Variants in ANKRD44 observed in about 807,000 individuals in gnomAD.
ANKRD44 encodes the protein ankyrin repeat domain 44, also known as serine/threonine-protein phosphatase 6 regulatory ankyrin repeat subunit B.
ANKRD44 carries 35 observed loss-of-function variants against 116.0 expected under a neutral mutation model. That is an observed-to-expected ratio of 0.30 (90% confidence interval 0.23 to 0.40). The LOEUF is 0.40. ANKRD44 is among the 10% of genes least tolerant of loss of function. The pLI is 1.00. For synonymous variants in ANKRD44, 435 were observed against 461.8 expected, an observed-to-expected ratio of 0.94 and a Z score of 0.74; for missense variants, 1,014 against 1,242.6, an observed-to-expected ratio of 0.82 and a Z score of 2.77.
intron 17 of ANKRD44, chr2:197,015,188 G>T: frequency 3.4e-6 from 1 of 290,478 alleles, no homozygotes; most frequent in South Asian, 3.6e-5. Flanking sequence ...TAGCATTGAT[G>T]AGCATGTAGA....
chr2:197,065,857 G>C (rs187498046), intron 16 of ANKRD44, among the ~76,000 whole-genome samples: 29 of 152,104 alleles, frequency 1.9e-4, no homozygotes, highest in Non-Finnish European at 4.0e-4. Flanking sequence ...TTCTACCAGA[G>C]GTACAAGGAG....
chr2:197,278,388 GCT>G (rs964564406), intron 1 of ANKRD44, among the ~76,000 whole-genome samples: 3 of 151,874 alleles, frequency 2.0e-5, no homozygotes, highest in African/African-American at 7.3e-5. Flanking sequence ...ACAGAGTCTT[GCT>G]CTGTCGCCCA....
intron 1 of ANKRD44, among the ~76,000 whole-genome samples, chr2:197,247,066 T>C (rs930202069): frequency 1.3e-4 from 20 of 152,156 alleles, no homozygotes; most frequent in African/African-American, 4.8e-4. Flanking sequence ...ATGCTGTCCA[T>C]GTGGTTAATA....
At chr2:197,078,510 T>C (rs2077722518) in intron 16 of ANKRD44, 193 bp downstream of exon 16, 1 of 1,409,440 alleles carries the variant, frequency 7.1e-7, no homozygotes, top group Admixed American at 2.3e-5. Context: ...GGTGGGGCTC[T>C]AACCTGCAAT....
chr2:197,029,660 T>C (rs1198967844), intron 16 of ANKRD44: 1 of 314,184 alleles, frequency 3.2e-6, no homozygotes, highest in Non-Finnish European at 6.1e-6. Context: ...TTATCCTCAT[T>C]ACAGGCAATG....
intron 1 of ANKRD44, among the ~76,000 whole-genome samples, chr2:197,259,308 G>C (rs1389053033): frequency 6.6e-6 from 1 of 152,074 alleles, no homozygotes. Context: ...ATACATCTGT[G>C]TCCCCCTCCC....
intron 1 of ANKRD44, among the ~76,000 whole-genome samples, chr2:197,195,575 C>A (rs146745909): frequency 6.6e-6 from 1 of 152,072 alleles, no homozygotes; most frequent in Non-Finnish European, 1.5e-5. Context: ...CAATTTTGGC[C>A]CAGCATCTTG....
chr2:196,985,034 T>C (rs1467322160), downstream of ANKRD44, among the ~76,000 whole-genome samples: 1 of 152,234 alleles, frequency 6.6e-6, no homozygotes, highest in Non-Finnish European at 1.5e-5. Flanking sequence ...TTGCTCTTTG[T>C]CTCCCTGGCT....
intron 13 of ANKRD44, among the ~76,000 whole-genome samples, chr2:197,084,454 A>G (rs1381258068): frequency 6.6e-6 from 1 of 152,088 alleles, no homozygotes; most frequent in Non-Finnish European, 1.5e-5. Context: ...GCACTGGTGT[A>G]TTGTCTCATC....
At chr2:197,097,586 T>C (rs1185742106) in intron 10 of ANKRD44, among the ~76,000 whole-genome samples, 1 of 152,198 alleles carries the variant, frequency 6.6e-6, no homozygotes, top group Non-Finnish European at 1.5e-5. Context: ...CCACTGCTAA[T>C]ACTATTTGTC....
chr2:197,276,001 C>A (rs181589570), intron 1 of ANKRD44, among the ~76,000 whole-genome samples: 1 of 152,018 alleles, frequency 6.6e-6, no homozygotes, highest in Non-Finnish European at 1.5e-5. Flanking sequence ...ACTAGCCGGG[C>A]GCAGTGGCTC....
At chr2:197,218,906 C>A (rs889244037) in intron 1 of ANKRD44, among the ~76,000 whole-genome samples, 1 of 150,166 alleles carries the variant, frequency 6.7e-6, no homozygotes, top group Admixed American at 6.6e-5. Flanking sequence ...ATTACAGGCA[C>A]CCACCACCAC....
At chr2:197,138,904 C>A (rs1275652968) in intron 3 of ANKRD44, among the ~76,000 whole-genome samples, 1 of 152,064 alleles carries the variant, frequency 6.6e-6, no homozygotes, top group Non-Finnish European at 1.5e-5. Context: ...CAAGTAGAAA[C>A]CCAAATGTCA....
chr2:197,229,061 G>A (rs552380046), intron 1 of ANKRD44, among the ~76,000 whole-genome samples: 1 of 152,314 alleles, frequency 6.6e-6, no homozygotes, highest in Admixed American at 6.5e-5. Context: ...GCTGTTACCT[G>A]AAATGTGGAG....
chr2:197,145,628 A>G (rs2079480788), intron 3 of ANKRD44, among the ~76,000 whole-genome samples: 1 of 152,240 alleles, frequency 6.6e-6, no homozygotes, highest in African/African-American at 2.4e-5. Context: ...AGCGTGGGGC[A>G]CACGTGTTTT....
intron 1 of ANKRD44, among the ~76,000 whole-genome samples, chr2:197,195,252 AT>A (rs2080920005): frequency 6.6e-6 from 1 of 152,190 alleles, no homozygotes; most frequent in Admixed American, 6.5e-5. Context: ...AAGAGCTGGG[AT>A]TACAGTCATG....
chr2:197,101,545 C>T (rs1465389549), intron 9 of ANKRD44, among the ~76,000 whole-genome samples: 1 of 152,068 alleles, frequency 6.6e-6, no homozygotes, highest in African/African-American at 2.4e-5. Context: ...CTGGATGCCA[C>T]TGAACTGTAC....
chr2:197,156,003 T>C (rs1308676022), intron 2 of ANKRD44, among the ~76,000 whole-genome samples: 4 of 152,170 alleles, frequency 2.6e-5, no homozygotes. Flanking sequence ...GCAAAAGATT[T>C]GAACAGATAT....
At chr2:196,997,808 G>A (rs1445524511) in intron 25 of ANKRD44, among the ~76,000 whole-genome samples, 3 of 150,328 alleles carry the variant, frequency 2.0e-5, no homozygotes, top group Non-Finnish European at 3.0e-5. Context: ...ACCACTATTT[G>A]AAAAAAAAAA....
Sources: allele counts gnomAD v4.1 joint callset (sites outside exome capture counted in the v4.1 genomes callset), GRCh38; gene constraint gnomAD v4.1.1; transcripts MANE v1.5; gene names NCBI Gene and HGNC (gene_info 2026-07-23, HGNC 2026-07-21).